The following COPZ2 variants were observed in gnomAD, a reference collection of about 807,000 sequenced individuals.
COPZ2 encodes coat protein complex I subunit zeta 2.
In COPZ2, 30 loss-of-function variants were observed where a neutral mutation model predicts 33.2. The ratio of observed to expected loss-of-function variants is 0.90; its 90% CI spans 0.68 to 1.23. The LOEUF (loss-of-function observed/expected upper bound fraction) is 1.23. Ranked by LOEUF, COPZ2 falls within the 50% of genes most tolerant of loss-of-function variation. COPZ2 has a pLI of 0.00. For missense variants in COPZ2, 263 were observed against 262.4 expected (o/e 1.00, Z -0.02); for synonymous variants, 89 against 102.6 (o/e 0.87, Z 0.80).
At position 48,037,326 on chromosome 17, in the gene COPZ2, C is replaced by T; in HGVS notation, c.111+341G>A. On this transcript the variant is annotated intron_variant, in intron 1 of 8. Coordinates refer to ENST00000621465, the MANE Select transcript of COPZ2 (RefSeq NM_016429.4). This position sits in a 1 kb window ranked among gnomAD's most constrained non-coding sequence, Gnocchi z 5.6. ...ATCAGCGCGCCCCCAGGCCCTGGCCCGGGTAGACTCCAGAAGCATGCCCAT... is the reference window on the plus strand; with the variant it reads ...ATCAGCGCGCCCCCAGGCCCTGGCCTGGGTAGACTCCAGAAGCATGCCCAT... The T allele has an allele frequency of 2.3e-6, 1 of 429,754 alleles. No individual in the cohort carries two copies. Among genetic ancestry groups the T allele is most frequent in the South Asian group, 1.9e-5 (1 of 52,482 alleles). The allele number at this position is 429,754 out of a possible 1,614,324, so 26.6% of individuals were successfully genotyped here.
At chr17:48,029,095 A>G in intron 7 of COPZ2, 30 bp downstream of exon 7, 1 of 1,561,564 alleles carries the variant, frequency 6.4e-7, no homozygotes. Flanking sequence ...AGGGCAGCCT[A>G]AAAGAGGAGG....
At chr17:48,033,820 G>T in intron 3 of COPZ2, 43 bp downstream of exon 3, 1 of 1,392,254 alleles carries the variant, frequency 7.2e-7, no homozygotes, top group Non-Finnish European at 1.0e-6. Context: ...GAAGATGACA[G>T]TGTGCATCTG....
At chr17:48,034,130 T>C (rs1199621641) in intron 2 of COPZ2, among the ~76,000 whole-genome samples, 186 bp from the exon 3 acceptor site, 1 of 152,194 alleles carries the variant, frequency 6.6e-6, no homozygotes, top group Non-Finnish European at 1.5e-5. Flanking sequence ...CTTTTTTAGA[T>C]GGAGTTTTGC....
chr17:48,040,997 C>G (rs116255058), upstream of COPZ2, among the ~76,000 whole-genome samples: 70 of 151,640 alleles, frequency 4.6e-4, no homozygotes, highest in African/African-American at 1.7e-3. Context: ...TAAAAACACA[C>G]AAAAATCAGC....
intron 3 of COPZ2, 117 bp from the exon 4 acceptor site, chr17:48,033,419 T>C (rs2036929373): frequency 1.4e-6 from 1 of 691,934 alleles, no homozygotes; most frequent in East Asian, 2.7e-5. Flanking sequence ...TGGAGAACCC[T>C]TGGAAAGACC....
the COPZ2 span, among the ~76,000 whole-genome samples, chr17:48,044,300 T>C: frequency 6.6e-6 from 1 of 151,306 alleles, no homozygotes. Context: ...TGAGCTGAGA[T>C]GGTGTCACTG....
Position 48,026,416 on chromosome 17 carries a change from A to T in COPZ2, c.*12T>A, listed in dbSNP as rs2144288019. 2 of 1,610,870 alleles carry T rather than the reference A, an allele frequency of 1.2e-6. No individual in the cohort carries two copies. Among genetic ancestry groups the T allele is most frequent in the African/African-American group, 2.7e-5 (2 of 74,964 alleles). ...ATGATCTGGGGGGCAGGGAGCCTTG[A>T]ATCCACAGCCTTCATTTCAATAACG... On this transcript the variant is annotated 3_prime_UTR_variant, in exon 9 of 9. Coordinates refer to ENST00000621465, the MANE Select transcript of COPZ2 (RefSeq NM_016429.4).
At position 48,029,190 on chromosome 17, in the gene COPZ2, G is replaced by A. The variant is rs1368032390; in HGVS notation, c.495-14C>T. ...TCCAGAATCACACTACAAGATGAGA[G>A]GAAAAACCAGGAGGCAAATCAGTGG... On this transcript the variant is annotated splice_polypyrimidine_tract_variant and intron_variant, in intron 6 of 8. Transcript: ENST00000621465. The A allele has an allele frequency of 1.3e-6, 2 of 1,565,496 alleles. No homozygotes were observed. The highest frequency in any genetic ancestry group is 1.7e-6 in the Non-Finnish European group (2 of 1,155,024).
chr17:48,031,791 A>T, intron 6 of COPZ2: 1 of 295,724 alleles, frequency 3.4e-6, no homozygotes, highest in Non-Finnish European at 6.5e-6. Context: ...AGAGCAGGAC[A>T]TGTGGGGCTG....
Position 48,037,552 on chromosome 17 carries a change from C to A in COPZ2, c.111+115G>T. On this transcript the variant is annotated intron_variant, in intron 1 of 8. Transcript: ENST00000621465. The surrounding 1 kb of genome is among the most constrained non-coding windows in gnomAD (Gnocchi z 5.6). ...GGGTCCTGGGGCCAGTCAGGGGTGACACAAAGTTCCCAGCCGCCGGGCGCG... is the reference window on the plus strand; with the variant it reads ...GGGTCCTGGGGCCAGTCAGGGGTGAAACAAAGTTCCCAGCCGCCGGGCGCG... 1 of 946,326 alleles carries A rather than the reference C, an allele frequency of 1.1e-6. No individual in the cohort carries two copies. The highest frequency in any genetic ancestry group is 3.8e-5 in the South Asian group (1 of 26,624). 58.6% of individuals were successfully genotyped at this position (946,326 alleles called of 1,614,324 possible).
chr17:48,030,325 CACACAA>C (rs959401787), intron 6 of COPZ2, among the ~76,000 whole-genome samples: 20 of 150,498 alleles, frequency 1.3e-4, no homozygotes, highest in Non-Finnish European at 2.7e-4. Flanking sequence ...CACACACACA[CACACAA>C]AGAAACAAAC....
Position 48,037,169 on chromosome 17 carries a change from C to T in COPZ2, c.112-244G>A, listed in dbSNP as rs752811828. 9.4e-6 allele frequency: 7 copies of T among 743,512 alleles called. No individual in the cohort carries two copies. The highest frequency in any genetic ancestry group is 2.6e-5 in the East Asian group (1 of 38,464). The allele number at this position is 743,512 out of a possible 1,614,324, so 46.1% of individuals were successfully genotyped here. A position where few individuals can be genotyped will look rare whatever the true frequency, so the allele number is the denominator to read the frequency against. On this transcript the variant is annotated intron_variant, in intron 1 of 8. Coordinates refer to ENST00000621465, the MANE Select transcript of COPZ2 (RefSeq NM_016429.4). This position sits in a 1 kb window ranked among gnomAD's most constrained non-coding sequence, Gnocchi z 5.6. ...GCCCGTTGGGTGCAGAAGGTCCTTCCGGGCCCAAGTTCTGTCATGCACTGA... is the reference window on the plus strand; with the variant it reads ...GCCCGTTGGGTGCAGAAGGTCCTTCTGGGCCCAAGTTCTGTCATGCACTGA...
intron 1 of COPZ2, 64 bp from the exon 2 acceptor site, chr17:48,036,989 G>T: frequency 7.2e-7 from 1 of 1,398,526 alleles, no homozygotes; most frequent in Non-Finnish European, 1.0e-6. Flanking sequence ...GTGTCTATGG[G>T]ATCTGCTGGC....
At chr17:48,032,445 C>CCCCAA (rs944699488) in intron 5 of COPZ2, among the ~76,000 whole-genome samples, 1 of 152,236 alleles carries the variant, frequency 6.6e-6, no homozygotes, top group Non-Finnish European at 1.5e-5. Context: ...CCTACCTTGT[C>CCCCAA]CAACCTCCCA....
upstream of COPZ2, among the ~76,000 whole-genome samples, chr17:48,040,134 C>A (rs533389238): frequency 0.016 from 1,940 of 121,518 alleles, 48 homozygotes; most frequent in African/African-American, 0.056. Flanking sequence ...ACCCACCCAC[C>A]CACACACACA....
At chr17:48,029,287 A>C in intron 6 of COPZ2, 111 bp from the exon 7 acceptor site, 6 of 940,016 alleles carry the variant, frequency 6.4e-6, no homozygotes, top group Non-Finnish European at 1.0e-5. Flanking sequence ...CAACATCTCC[A>C]CCTTCCAGGT....
chr17:48,031,455 CAAAA>C (rs1185312803), intron 6 of COPZ2, among the ~76,000 whole-genome samples: 3 of 64,748 alleles, frequency 4.6e-5, no homozygotes, highest in Non-Finnish European at 3.2e-5. Flanking sequence ...GACTCTGTCT[CAAAA>C]AAAAAAAAAA....
intron 6 of COPZ2, among the ~76,000 whole-genome samples, chr17:48,030,021 C>G (rs1287795638): frequency 6.6e-6 from 1 of 151,184 alleles, no homozygotes; most frequent in Admixed American, 6.6e-5. Flanking sequence ...CACAGTGGCT[C>G]ACGCCTGCAA....
chr17:48,031,119 G>T (rs2144299054), intron 6 of COPZ2, among the ~76,000 whole-genome samples: 1 of 152,262 alleles, frequency 6.6e-6, no homozygotes, highest in South Asian at 2.1e-4. Context: ...TGTATAAAAT[G>T]ATGTAATGAT....
Sources: allele counts gnomAD v4.1 joint callset (sites outside exome capture counted in the v4.1 genomes callset), GRCh38; gene constraint gnomAD v4.1.1; non-coding constraint Gnocchi (gnomAD v3.1); transcripts MANE v1.5; gene names NCBI Gene and HGNC (gene_info 2026-07-23, HGNC 2026-07-21).